Variants in HOXD9 observed in about 807,000 individuals in gnomAD.
The protein encoded by HOXD9 is homeobox protein Hox-D9.
HOXD9 carries 21 observed loss-of-function variants against 24.6 expected under a neutral mutation model. The observed-to-expected ratio is 0.85, with a 90% CI of 0.61 to 1.23. The LOEUF (loss-of-function observed/expected upper bound fraction) is 1.23. HOXD9 is among the 50% of genes most tolerant of loss of function. HOXD9 has a pLI of 0.00. For synonymous variants in HOXD9, 240 were observed against 226.4 expected (o/e 1.06, Z -0.54); for missense variants, 503 against 503.6 (o/e 1.00, Z 0.01).
chr2:176,122,753 G>C lies in HOXD9; in HGVS notation c.-16G>C, dbSNP rs747236699. On this transcript the variant is annotated 5_prime_UTR_variant, in exon 1 of 2. Transcript: ENST00000249499. ...CTCGGGCGCCGGCGGGGAGCTGCTCGGCGGCGGACAGTGTAATGTTGGGTG... is the reference window on the plus strand; with the variant it reads ...CTCGGGCGCCGGCGGGGAGCTGCTCCGCGGCGGACAGTGTAATGTTGGGTG... 44 of 1,461,630 alleles carry C rather than the reference G, an allele frequency of 3.0e-5. No homozygotes were observed. Among genetic ancestry groups the C allele is most frequent in the Non-Finnish European group, 3.6e-5 (40 of 1,107,760 alleles). The allele number at this position is 1,461,630 out of a possible 1,614,324, so 90.5% of individuals were successfully genotyped here. A position where few individuals can be genotyped will look rare whatever the true frequency, so the allele number is the denominator to read the frequency against.
Position 176,123,451 on chromosome 2 carries a change from C to T in HOXD9, c.683C>T (p.Ala228Val). 1 of 1,567,242 alleles carries T rather than the reference C, an allele frequency of 6.4e-7. No individual in the cohort carries two copies. The highest frequency in any genetic ancestry group is 8.7e-7 in the Non-Finnish European group (1 of 1,155,754). ...AAATGGTGPG[A>V]GIGAATGTGG... The stretch of plus-strand genomic sequence containing the variant: ...GCGACGGGGGGAACCGGGCCTGGGG[C>T]AGGGATCGGGGCCGCGACTGGGACG... Residue 228 changes from alanine (A) to valine (V), a missense_variant, in exon 1 of 2, where the codon GCA becomes GTA. Physicochemically the swap from Ala to Val is moderately conservative, Grantham distance 64. Coordinates refer to ENST00000249499, the MANE Select transcript of HOXD9 (RefSeq NM_014213.4). This position sits in a 1 kb window ranked among gnomAD's most constrained non-coding sequence, Gnocchi z 4.2.
At position 176,123,079 on chromosome 2, in the gene HOXD9, C is replaced by T. The variant is rs901404429; in HGVS notation, c.311C>T (p.Pro104Leu). The T allele has an allele frequency of 8.4e-6, 13 of 1,556,542 alleles. No homozygotes were observed. The highest frequency in any genetic ancestry group is 5.7e-5 in the African/African-American group (4 of 70,048). The change falls in exon 1 of 2, where the codon CCC becomes CTC. Residue 104 changes from proline to leucine, a missense_variant. Transcript: ENST00000249499. This position sits in a 1 kb window ranked among gnomAD's most constrained non-coding sequence, Gnocchi z 4.2. ...TACCACCCGTACGTTCCCCCGCCGC[C>T]CCTGGCCGCCTCTGCCTCCGAGCCC... ...GLYHPYVPPP[P>L]LAASASEPGR...
At position 176,123,853 on chromosome 2, in the gene HOXD9, G is replaced by T; in HGVS notation, c.818-81G>T. On this transcript the variant is annotated intron_variant, in intron 1 of 1. Transcript: ENST00000249499. The surrounding 1 kb of genome is among the most constrained non-coding windows in gnomAD (Gnocchi z 4.2). ...CCATCCTTGGTGAAATTAATTTAAC[G>T]ACCTCTCTTCCCCACCCTGTGGTCT... 1 of 1,235,916 alleles carries T rather than the reference G, an allele frequency of 8.1e-7. No homozygotes were observed. Among genetic ancestry groups the T allele is most frequent in the South Asian group, 1.5e-5 (1 of 68,488 alleles). The allele number at this position is 1,235,916 out of a possible 1,614,324, so 76.6% of individuals were successfully genotyped here.
In HOXD9 at chr2:176,122,896, C is replaced by A. The variant is rs1010835532; in HGVS notation, c.128C>A (p.Pro43Gln). 2 of 1,590,088 alleles carry A rather than the reference C, an allele frequency of 1.3e-6. No homozygotes were observed. The highest frequency in any genetic ancestry group is 3.5e-5 in the Admixed American group (2 of 57,264). Residue 43 changes from proline (P) to glutamine (Q), a missense_variant, in exon 1 of 2, where the codon CCA becomes CAA. Pro to Gln is a moderately conservative substitution (Grantham distance 76). Coordinates refer to ENST00000249499, the MANE Select transcript of HOXD9 (RefSeq NM_014213.4). The part of the protein sequence containing the change: ...VFAARFGPPG[P>Q]GAQGRPAGVA... ...GCGGCGCGCTTCGGGCCGCCGGGGC[C>A]AGGCGCGCAGGGCCGGCCTGCAGGT...
rs756101299 is a variant in HOXD9 at position 176,124,058 on chromosome 2, G to C, written c.942G>C (p.Arg314=). The C allele has an allele frequency of 6.2e-7, 1 of 1,614,184 alleles. No individual in the cohort carries two copies. The highest frequency in any genetic ancestry group is 8.5e-7 in the Non-Finnish European group (1 of 1,180,022). Residue 314 remains arginine (R), a synonymous_variant, in exon 2 of 2, where the codon CGG becomes CGC. Transcript: ENST00000249499. The stretch of plus-strand genomic sequence containing the variant: ...TCAACATGTACCTCACCCGGGACCG[G>C]CGCTACGAGGTGGCCAGGATTCTCA... ...FLFNMYLTRD[R]RYEVARILNL...
Position 176,123,517 on chromosome 2 carries a change from T to A in HOXD9, c.749T>A (p.Ile250Asn), listed in dbSNP as rs770551858. 6.6e-6 allele frequency: 10 copies of A among 1,506,140 alleles called. No homozygotes were observed. The Admixed American group carries it at 2.1e-4, about 32-fold the overall frequency. The allele number at this position is 1,506,140 out of a possible 1,614,324, so 93.3% of individuals were successfully genotyped here. The change falls in exon 1 of 2, where the codon ATC (isoleucine) becomes AAC (asparagine). Residue 250 changes from isoleucine (I) to asparagine (N), a missense_variant. By Grantham distance (149) the Ile-to-Asn change is moderately radical (BLOSUM62 -3). Coordinates refer to ENST00000249499, the MANE Select transcript of HOXD9 (RefSeq NM_014213.4). The surrounding 1 kb of genome is among the most constrained non-coding windows in gnomAD (Gnocchi z 4.2). ...CCCTCAGCTTGCAGCGACCACCCGATCCCAGGCTGTTCGCTGAAGGAGGAG... is the reference window on the plus strand; with the variant it reads ...CCCTCAGCTTGCAGCGACCACCCGAACCCAGGCTGTTCGCTGAAGGAGGAG... ...SEPSACSDHPIPGCSLKEEEK... is the reference protein window; with the variant it reads ...SEPSACSDHPNPGCSLKEEEK...
At position 176,122,890 on chromosome 2, in the gene HOXD9, CG is replaced by C; in HGVS notation, c.126del (p.Pro43GlnfsTer50). 6.3e-7 allele frequency: 1 copy of C among 1,591,164 alleles called. No individual in the cohort carries two copies. The highest frequency in any genetic ancestry group is 8.5e-7 in the Non-Finnish European group (1 of 1,170,340). On this transcript the variant is annotated frameshift_variant, in exon 1 of 2. Coordinates refer to ENST00000249499, the MANE Select transcript of HOXD9 (RefSeq NM_014213.4). LOFTEE classifies it high-confidence loss of function. ...GTGTTCGCGGCGCGCTTCGGGCCGCCGGGGCCAGGCGCGCAGGGCCGGCCTG... is the reference window on the plus strand; with the variant it reads ...GTGTTCGCGGCGCGCTTCGGGCCGCCGGGCCAGGCGCGCAGGGCCGGCCTG... ...DEVFAARFGP[P>X]GPGAQGRPAG... is the part of the protein sequence containing the mutation.
At position 176,122,896 on chromosome 2, in the gene HOXD9, C is replaced by T. The variant is rs1010835532; in HGVS notation, c.128C>T (p.Pro43Leu). Residue 43 changes from proline to leucine, a missense_variant, in exon 1 of 2, where the codon CCA (proline) becomes CTA (leucine). Physicochemically the swap from Pro to Leu is moderately conservative, Grantham distance 98 (BLOSUM62 -3). Transcript: ENST00000249499. ...GCGGCGCGCTTCGGGCCGCCGGGGC[C>T]AGGCGCGCAGGGCCGGCCTGCAGGT... The part of the protein sequence containing the change: ...VFAARFGPPG[P>L]GAQGRPAGVA... 6.3e-7 allele frequency: 1 copy of T among 1,590,198 alleles called. No individual in the cohort carries two copies. The highest frequency in any genetic ancestry group is 8.5e-7 in the Non-Finnish European group (1 of 1,169,784).
At position 176,122,846 on chromosome 2, in the gene HOXD9, A is replaced by C. The variant is rs1346098732; in HGVS notation, c.78A>C (p.Ile26=). 1.3e-6 allele frequency: 2 copies of C among 1,586,906 alleles called. No individual in the cohort carries two copies. Among genetic ancestry groups the C allele is most frequent in the East Asian group, 2.4e-5 (1 of 42,328 alleles). ...GCAACTACTACGTGGACTCGCTTAT[A>C]GGCCATGAGGGCGACGAGGTGTTCG... ...TLSNYYVDSL[I]GHEGDEVFAA... The change falls in exon 1 of 2, where the codon ATA becomes ATC. Residue 26 remains isoleucine (I), a synonymous_variant. Coordinates refer to ENST00000249499, the MANE Select transcript of HOXD9 (RefSeq NM_014213.4).
rs1487917753 is a variant in HOXD9 at position 176,123,829 on chromosome 2, C to A, written c.818-105C>A. ...TTCCCCACAAGTTGTGAAAAGCGAC[C>A]ATCCTTGGTGAAATTAATTTAACGA... On this transcript the variant is annotated intron_variant, in intron 1 of 1. Coordinates refer to ENST00000249499, the MANE Select transcript of HOXD9 (RefSeq NM_014213.4). This position sits in a 1 kb window ranked among gnomAD's most constrained non-coding sequence, Gnocchi z 4.2. The A allele has an allele frequency of 1.8e-6, 2 of 1,118,566 alleles. No homozygotes were observed. The highest frequency in any genetic ancestry group is 1.6e-5 in the African/African-American group (1 of 63,384). The allele number at this position is 1,118,566 out of a possible 1,614,324, so 69.3% of individuals were successfully genotyped here.
In HOXD9 at chr2:176,124,295, C is replaced by CTTT. The variant is rs762379004; in HGVS notation, c.*129_*131dup. 5 of 1,198,182 alleles carry CTTT rather than the reference C, an allele frequency of 4.2e-6. No individual in the cohort carries two copies. In the African/African-American group the frequency reaches 4.7e-5, roughly 11 times the overall value. 74.2% of individuals were successfully genotyped at this position (1,198,182 alleles called of 1,614,324 possible). Reference sequence around the variant, plus strand: ...TCTCCAGCGACTTGGACTTCTTCTTCTTTTTTTTTTTCTTTTTAGATAGAA... The same window carrying CTTT: ...TCTCCAGCGACTTGGACTTCTTCTTCTTTTTTTTTTTTTTCTTTTTAGATAGAA... On this transcript the variant is annotated 3_prime_UTR_variant, in exon 2 of 2. Coordinates refer to ENST00000249499, the MANE Select transcript of HOXD9 (RefSeq NM_014213.4).
chr2:176,123,605 C>T lies in HOXD9; in HGVS notation c.817+20C>T, dbSNP rs199575925. On this transcript the variant is annotated intron_variant, in intron 1 of 1. Coordinates refer to ENST00000249499, the MANE Select transcript of HOXD9 (RefSeq NM_014213.4). The surrounding 1 kb of genome is among the most constrained non-coding windows in gnomAD (Gnocchi z 4.2). ...ACCCAAGTAAGTGCAAAAGAAATTG[C>T]CCCCTGATTTATTGCTGAAACCTGT... 9 of 1,480,352 alleles carry T rather than the reference C, an allele frequency of 6.1e-6. No homozygotes were observed. The highest frequency in any genetic ancestry group is 1.8e-4 in the Middle Eastern group (1 of 5,472). The allele number at this position is 1,480,352 out of a possible 1,614,324, so 91.7% of individuals were successfully genotyped here.
rs1431778853 is a variant in HOXD9 at position 176,123,946 on chromosome 2, C to A, written c.830C>A (p.Ala277Glu). The change falls in exon 2 of 2, where the codon GCG (alanine) becomes GAG (glutamate). Residue 277 changes from alanine to glutamate, a missense_variant. Physicochemically the swap from Ala to Glu is moderately radical, Grantham distance 107. Coordinates refer to ENST00000249499, the MANE Select transcript of HOXD9 (RefSeq NM_014213.4). This position sits in a 1 kb window ranked among gnomAD's most constrained non-coding sequence, Gnocchi z 4.2. Reference protein sequence around the residue: ...QQQLDPNNPAANWIHARSTRK... With the variant: ...QQQLDPNNPAENWIHARSTRK... ...TCCCTCTTTGTAGACAACCCCGCCG[C>A]GAACTGGATCCACGCTCGCTCCACC... is the stretch of plus-strand genomic sequence containing the variant. 1 of 1,611,226 alleles carries A rather than the reference C, an allele frequency of 6.2e-7. No homozygotes were observed.
rs1689946044 is a variant in HOXD9 at position 176,124,808 on chromosome 2, G to C, written c.*633G>C. The C allele has an allele frequency of 6.6e-6, 1 of 152,576 alleles. No individual in the cohort carries two copies. Among genetic ancestry groups the C allele is most frequent in the Admixed American group, 6.5e-5 (1 of 15,290 alleles). 9.5% of individuals were successfully genotyped at this position (152,576 alleles called of 1,614,324 possible). On this transcript the variant is annotated 3_prime_UTR_variant, in exon 2 of 2. Transcript: ENST00000249499. ...TGGACGCGCTGCTCTCTCCCCTGAA[G>C]GCTGGGCTCGCGTGGGCGGCCGCGG... is the stretch of plus-strand genomic sequence containing the variant.
rs1689915103 is a variant in HOXD9 at position 176,123,345 on chromosome 2, T to C, written c.577T>C (p.Cys193Arg). ...SLSSSSKRTE[C>R]SVARESQGSS... ...ATCCTCCTCCTCCAAACGGACTGAG[T>C]GCTCCGTGGCCCGGGAGTCCCAGGG... Residue 193 changes from cysteine to arginine, a missense_variant, in exon 1 of 2, where the codon TGC (cysteine) becomes CGC (arginine). Cys to Arg is a radical substitution (Grantham distance 180). Transcript: ENST00000249499. This position sits in a 1 kb window ranked among gnomAD's most constrained non-coding sequence, Gnocchi z 4.2. 1 of 1,550,564 alleles carries C rather than the reference T, an allele frequency of 6.4e-7. No homozygotes were observed. The highest frequency in any genetic ancestry group is 8.7e-7 in the Non-Finnish European group (1 of 1,147,006).
Position 176,123,652 on chromosome 2 carries a change from G to A in HOXD9, c.817+67G>A. ...CTGTAAGGCTCGAATGTGCAAAACT[G>A]ATAGTTTTACTAACCTATAAAAACG... is the stretch of plus-strand genomic sequence containing the variant. On this transcript the variant is annotated intron_variant, in intron 1 of 1. Coordinates refer to ENST00000249499, the MANE Select transcript of HOXD9 (RefSeq NM_014213.4). This position sits in a 1 kb window ranked among gnomAD's most constrained non-coding sequence, Gnocchi z 4.2. 6.8e-7 allele frequency: 1 copy of A among 1,467,636 alleles called. No homozygotes were observed. The highest frequency in any genetic ancestry group is 1.4e-5 in the African/African-American group (1 of 70,490). The allele number at this position is 1,467,636 out of a possible 1,614,324, so 90.9% of individuals were successfully genotyped here.
In HOXD9 at chr2:176,122,752, C is replaced by T. The variant is rs770874082; in HGVS notation, c.-17C>T. Reference sequence around the variant, plus strand: ...GCTCGGGCGCCGGCGGGGAGCTGCTCGGCGGCGGACAGTGTAATGTTGGGT... The same window carrying T: ...GCTCGGGCGCCGGCGGGGAGCTGCTTGGCGGCGGACAGTGTAATGTTGGGT... On this transcript the variant is annotated 5_prime_UTR_variant, in exon 1 of 2. Coordinates refer to ENST00000249499, the MANE Select transcript of HOXD9 (RefSeq NM_014213.4). The T allele has an allele frequency of 1.4e-6, 2 of 1,461,700 alleles. No individual in the cohort carries two copies. Among genetic ancestry groups the T allele is most frequent in the Non-Finnish European group, 1.8e-6 (2 of 1,107,766 alleles). The allele number at this position is 1,461,700 out of a possible 1,614,324, so 90.5% of individuals were successfully genotyped here. A position where few individuals can be genotyped will look rare whatever the true frequency, so the allele number is the denominator to read the frequency against.
Position 176,124,107 on chromosome 2 carries a change from A to G in HOXD9, c.991A>G (p.Ile331Val), listed in dbSNP as rs1428966144. Residue 331 changes from isoleucine (I) to valine (V), a missense_variant, in exon 2 of 2, where the codon ATC becomes GTC. Transcript: ENST00000249499. ...CAACCTAACAGAGAGACAGGTCAAA[A>G]TCTGGTTTCAGAACCGTAGGATGAA... The part of the protein sequence containing the change: ...ILNLTERQVK[I>V]WFQNRRMKMK... 3.7e-6 allele frequency: 6 copies of G among 1,614,010 alleles called. No homozygotes were observed. Among genetic ancestry groups the G allele is most frequent in the Admixed American group, 1.7e-5 (1 of 60,008 alleles).
In HOXD9 at chr2:176,123,852, C is replaced by T; in HGVS notation, c.818-82C>T. On this transcript the variant is annotated intron_variant, in intron 1 of 1. Transcript: ENST00000249499. This position sits in a 1 kb window ranked among gnomAD's most constrained non-coding sequence, Gnocchi z 4.2. ...ACCATCCTTGGTGAAATTAATTTAACGACCTCTCTTCCCCACCCTGTGGTC... is the reference window on the plus strand; with the variant it reads ...ACCATCCTTGGTGAAATTAATTTAATGACCTCTCTTCCCCACCCTGTGGTC... The T allele has an allele frequency of 8.1e-7, 1 of 1,231,980 alleles. No homozygotes were observed. The highest frequency in any genetic ancestry group is 1.1e-6 in the Non-Finnish European group (1 of 876,068). The allele number at this position is 1,231,980 out of a possible 1,614,324, so 76.3% of individuals were successfully genotyped here. A position where few individuals can be genotyped will look rare whatever the true frequency, so the allele number is the denominator to read the frequency against.
Sources: allele counts gnomAD v4.1 joint callset, GRCh38; gene constraint gnomAD v4.1.1; non-coding constraint Gnocchi (gnomAD v3.1); transcripts MANE v1.5; gene names NCBI Gene and HGNC (gene_info 2026-07-23, HGNC 2026-07-21).